SHANK2: variants seen among roughly 807,000 people sequenced by gnomAD.
SHANK2 encodes the protein SH3 and multiple ankyrin repeat domains 2, also known as SH3 and multiple ankyrin repeat domains protein 2.
A neutral mutation model predicts 133.7 loss-of-function variants in SHANK2; 43 were observed. The ratio of observed to expected loss-of-function variants is 0.32; its 90% CI spans 0.25 to 0.41. The LOEUF (loss-of-function observed/expected upper bound fraction) is 0.41. Among genes scored for constraint, SHANK2 ranks in the 10% least tolerant of loss-of-function variants. The pLI is 1.00. For synonymous variants in SHANK2, 1,017 were observed against 952.8 expected (o/e 1.07, Z -1.24); for missense variants, 1,994 against 2,235.8 (o/e 0.89, Z 2.18).
Position 70,573,298 on chromosome 11 carries a change from G to A in SHANK2, c.2062-70367C>T, listed in dbSNP as rs554645219. Among the ~76,000 whole-genome samples, 1,060 of 106,388 alleles carry A rather than the reference G, an allele frequency of 1.0e-2. 29 individuals carry two copies. Among genetic ancestry groups the A allele is most frequent in the African/African-American group, 0.038 (1,001 of 26,290 alleles). 69.8% of individuals were successfully genotyped at this position (106,388 alleles called of 152,430 possible). On this transcript the variant is annotated intron_variant, in intron 17 of 25. Coordinates refer to ENST00000601538, the MANE Select transcript of SHANK2 (RefSeq NM_012309.5). ...GTGGGGGCGGGGGGGCTGTGATGGA[G>A]CTGGGTGGTCACTCCAGCGGTGGGG... is the stretch of plus-strand genomic sequence containing the variant.
intron 17 of SHANK2, among the ~76,000 whole-genome samples, chr11:70,574,382 G>T (rs1554983802): frequency 6.6e-6 from 1 of 152,248 alleles, no homozygotes; most frequent in Non-Finnish European, 1.5e-5. Context: ...GGGGGTGGGG[G>T]TCTTTGGAGG....
intron 17 of SHANK2, among the ~76,000 whole-genome samples, chr11:70,537,152 C>T (rs1188978353): frequency 1.3e-5 from 2 of 152,206 alleles, no homozygotes; most frequent in African/African-American, 2.4e-5. Flanking sequence ...GAGCGCCCCC[C>T]TCTCAGAGTC....
intron 5 of SHANK2, among the ~76,000 whole-genome samples, chr11:71,112,148 C>T (rs1048059962): frequency 1.3e-5 from 2 of 152,216 alleles, no homozygotes; most frequent in Admixed American, 6.5e-5. Flanking sequence ...AATCCCAGCA[C>T]TTTGGGAGGC....
At chr11:71,213,915 T>C (rs926191921) in intron 2 of SHANK2, among the ~76,000 whole-genome samples, 3 of 152,296 alleles carry the variant, frequency 2.0e-5, no homozygotes, top group African/African-American at 7.2e-5. Context: ...AGTGGCTTCC[T>C]TGGGCCATTT....
intron 14 of SHANK2, among the ~76,000 whole-genome samples, chr11:70,712,933 C>G (rs1167486811): frequency 3.3e-5 from 5 of 152,236 alleles, no homozygotes; most frequent in African/African-American, 7.2e-5. Context: ...CTCCCATGTG[C>G]GCACATGTGT....
chr11:71,136,372 A>G (rs559761872), intron 3 of SHANK2, among the ~76,000 whole-genome samples: 2 of 152,346 alleles, frequency 1.3e-5, no homozygotes, highest in East Asian at 1.9e-4. Context: ...ATTATCTTAC[A>G]TGAAAGGACT....
intron 11 of SHANK2, among the ~76,000 whole-genome samples, chr11:70,829,144 TG>T (rs1948689962): frequency 6.6e-6 from 1 of 152,214 alleles, no homozygotes; most frequent in Admixed American, 6.5e-5. Flanking sequence ...GCATCTGTTC[TG>T]ACTGGTGGAC....
rs117035384 is a variant in SHANK2 at position 70,898,503 on chromosome 11, G to A, written c.1108-1936C>T. On this transcript the variant is annotated intron_variant, in intron 10 of 25. Transcript: ENST00000601538. ...TGCTGAGATATCAGATGGAGATGAA[G>A]AACACGTTACTGGAAACTGGAGGAA... Among the ~76,000 whole-genome samples, 1,337 of 152,186 alleles carry A rather than the reference G, an allele frequency of 8.8e-3. 10 individuals are homozygous for A. The highest frequency in any genetic ancestry group is 0.014 in the Non-Finnish European group (924 of 68,016).
chr11:70,487,485 G>A lies in SHANK2; in HGVS notation c.2808C>T (p.Thr936=), dbSNP rs148522202. 87 of 1,613,934 alleles carry A rather than the reference G, an allele frequency of 5.4e-5. No individual in the cohort carries two copies. Among genetic ancestry groups the A allele is most frequent in the Non-Finnish European group, 7.0e-5 (83 of 1,180,028 alleles). Residue 936 remains threonine (T), a synonymous_variant, in exon 25 of 26, where the codon ACC becomes ACT. Transcript: ENST00000601538. The surrounding 1 kb of genome is among the most constrained non-coding windows in gnomAD (Gnocchi z 5.8). ...QNSAAKVSPA[T]RSDTVATMMR... is the part of the protein sequence containing the mutation. ...TCATGGTGGCCACGGTGTCGGACCTGGTGGCGGGGGACACCTTGGCGGCAG... is the reference window on the plus strand; with the variant it reads ...TCATGGTGGCCACGGTGTCGGACCTAGTGGCGGGGGACACCTTGGCGGCAG...
At chr11:70,651,119 C>T (rs1352644094) in intron 17 of SHANK2, among the ~76,000 whole-genome samples, 1 of 152,228 alleles carries the variant, frequency 6.6e-6, no homozygotes, top group African/African-American at 2.4e-5. Context: ...ATGGCACAGC[C>T]TGTGCCCTTG....
chr11:71,085,910 T>A (rs1951394896), intron 8 of SHANK2, among the ~76,000 whole-genome samples: 2 of 778 alleles, frequency 2.6e-3, no homozygotes, highest in Admixed American at 0.042. Context: ...TAATTATATA[T>A]TAATATAACA....
chr11:70,941,573 TGTTTAG>T, intron 10 of SHANK2, among the ~76,000 whole-genome samples: 1 of 151,566 alleles, frequency 6.6e-6, no homozygotes, highest in South Asian at 2.1e-4. Flanking sequence ...CTTTTAGGGG[TGTTTAG>T]GTTTAGGTGA....
At chr11:70,844,204 T>C (rs1320038506) in intron 11 of SHANK2, among the ~76,000 whole-genome samples, 1 of 152,130 alleles carries the variant, frequency 6.6e-6, no homozygotes, top group African/African-American at 2.4e-5. Flanking sequence ...CCTACAACAT[T>C]AGTTCAACTC....
intron 17 of SHANK2, among the ~76,000 whole-genome samples, chr11:70,602,324 G>A (rs1385988681): frequency 1.3e-5 from 2 of 152,146 alleles, no homozygotes; most frequent in Non-Finnish European, 2.9e-5. Flanking sequence ...ACACAAGAAG[G>A]GCCTAATGCA....
chr11:70,630,741 C>T (rs1390665147), intron 17 of SHANK2, among the ~76,000 whole-genome samples: 1 of 152,188 alleles, frequency 6.6e-6, no homozygotes, highest in African/African-American at 2.4e-5. Context: ...AGGGTCCTCC[C>T]CTAGAGCACT....
chr11:70,878,038 G>A (rs1389660567), intron 11 of SHANK2, among the ~76,000 whole-genome samples: 1 of 152,246 alleles, frequency 6.6e-6, no homozygotes, highest in Non-Finnish European at 1.5e-5. Context: ...GAGAGTCAGC[G>A]GTTCTGAGAA....
At chr11:70,915,779 G>C (rs1555079765) in intron 10 of SHANK2, among the ~76,000 whole-genome samples, 1 of 152,232 alleles carries the variant, frequency 6.6e-6, no homozygotes, top group Admixed American at 6.5e-5. Context: ...GCTTGCTTAA[G>C]CTTGCCAAGG....
intron 10 of SHANK2, among the ~76,000 whole-genome samples, chr11:70,940,043 C>A (rs1345169822): frequency 2.6e-5 from 4 of 152,098 alleles, no homozygotes; most frequent in African/African-American, 9.7e-5. Flanking sequence ...CCATCACCAC[C>A]CAGAGCTGGA....
chr11:70,747,679 G>A (rs1355829054), intron 14 of SHANK2, among the ~76,000 whole-genome samples: 2 of 152,216 alleles, frequency 1.3e-5, no homozygotes, highest in African/African-American at 4.8e-5. Context: ...ACAACAGCAT[G>A]TGTGTGCACA....
Sources: gnomAD v4.1 joint callset for allele counts (sites outside exome capture counted in the v4.1 genomes callset) on GRCh38, gnomAD v4.1.1 for gene constraint, Gnocchi (gnomAD v3.1) non-coding constraint, MANE v1.5 for transcripts, NCBI Gene and HGNC (gene_info 2026-07-23, HGNC 2026-07-21) for gene names.